The following SERPINB13 variants were observed in gnomAD, a reference collection of about 807,000 sequenced individuals.
SERPINB13 encodes the protein serpin family B member 13.
A neutral mutation model predicts 31.2 loss-of-function variants in SERPINB13; 26 were observed. The observed-to-expected ratio is 0.83, with a 90% CI of 0.61 to 1.15. The LOEUF (loss-of-function observed/expected upper bound fraction) is 1.15. Ranked by LOEUF, SERPINB13 falls within the 50% of genes most tolerant of loss-of-function variation. The pLI, the probability that SERPINB13 is intolerant of heterozygous loss-of-function variation, is 0.00. For synonymous variants in SERPINB13, 191 were observed against 172.4 expected, an observed-to-expected ratio of 1.11 and a Z score of -0.85; for missense variants, 510 against 469.4, an observed-to-expected ratio of 1.09 and a Z score of -0.80.
intron 1 of SERPINB13, 57 bp from the exon 2 acceptor site, chr18:63,588,594 C>T (rs1461741867): frequency 2.6e-6 from 4 of 1,522,724 alleles, no homozygotes; most frequent in Non-Finnish European, 3.6e-6. Context: ...AGAAAGGATT[C>T]CCCTGACACA....
At chr18:63,596,932 A>G (rs549423874) in intron 7 of SERPINB13, 27 bp from the exon 8 acceptor site, 3 of 1,555,814 alleles carry the variant, frequency 1.9e-6, no homozygotes, top group Admixed American at 3.7e-5. Flanking sequence ...TAATCATGCC[A>G]TTCTACTCTT....
chr18:63,597,048 GTTTGAGGTGGAGGACGGT>G lies in SERPINB13; in HGVS notation c.863_880del (p.Phe288_Gly293del). ...GAAAGGTGAATCTGCACTTGCCCCGGTTTGAGGTGGAGGACGGTTACGATCTAGAGGCGGTCCTGGCTG... is the reference window on the plus strand; with the variant it reads ...GAAAGGTGAATCTGCACTTGCCCCGGTACGATCTAGAGGCGGTCCTGGCTG... On this transcript the variant is annotated inframe_deletion, in exon 8 of 8. Transcript: ENST00000344731. 6.2e-7 allele frequency: 1 copy of G among 1,614,204 alleles called. No homozygotes were observed. The highest frequency in any genetic ancestry group is 8.5e-7 in the Non-Finnish European group (1 of 1,180,022).
chr18:63,597,188 C>T lies in SERPINB13; in HGVS notation c.1001C>T (p.Ser334Phe), dbSNP rs754682449. The change falls in exon 8 of 8, where the codon TCC becomes TTC. Residue 334 changes from serine (S) to phenylalanine (F), a missense_variant. Physicochemically the swap from Ser to Phe is radical, Grantham distance 155. Coordinates refer to ENST00000344731, the MANE Select transcript of SERPINB13 (RefSeq NM_012397.4). ...TACGCCCAGAAGTTCCTGCACAGTT[C>T]CTTTGTGGCAGTAACTGAGGAAGGC... ...GLYAQKFLHS[S>F]FVAVTEEGTE... 6.2e-7 allele frequency: 1 copy of T among 1,614,192 alleles called. No homozygotes were observed. Among genetic ancestry groups the T allele is most frequent in the South Asian group, 1.1e-5 (1 of 91,084 alleles).
chr18:63,599,095 GTC>G lies in SERPINB13; in HGVS notation c.*1734_*1735del, dbSNP rs1450026712. 1 of 152,004 alleles carries G rather than the reference GTC, an allele frequency of 6.6e-6. No homozygotes were observed. The highest frequency in any genetic ancestry group is 2.4e-5 in the African/African-American group (1 of 41,402). 9.4% of individuals were successfully genotyped at this position (152,004 alleles called of 1,614,324 possible). ...CATTTGCTCATTTTTAATTTGGGTT[GTC>G]TGTCTTGTCTTCTCATTTTATTGAG... On this transcript the variant is annotated 3_prime_UTR_variant, in exon 8 of 8. Coordinates refer to ENST00000344731, the MANE Select transcript of SERPINB13 (RefSeq NM_012397.4).
At chr18:63,588,505 G>T in intron 1 of SERPINB13, 146 bp from the exon 2 acceptor site, 1 of 724,620 alleles carries the variant, frequency 1.4e-6, no homozygotes. Context: ...GAGGACGTGA[G>T]AAGCAGGCAG....
intron 5 of SERPINB13, among the ~76,000 whole-genome samples, chr18:63,593,423 C>T (rs1028773284): frequency 6.6e-6 from 1 of 152,200 alleles, no homozygotes; most frequent in African/African-American, 2.4e-5. Context: ...ACACGCAGCT[C>T]TCCCATCAAG....
At position 63,597,365 on chromosome 18, in the gene SERPINB13, A is replaced by G; in HGVS notation, c.*2A>G. The G allele has an allele frequency of 6.2e-7, 1 of 1,603,684 alleles. No individual in the cohort carries two copies. The highest frequency in any genetic ancestry group is 8.5e-7 in the Non-Finnish European group (1 of 1,173,022). ...TTCGGCAGATTTTCTTCTCCTTAAG[A>G]TGATCGTTGCCATGGCATTGCTGCT... On this transcript the variant is annotated 3_prime_UTR_variant, in exon 8 of 8. Coordinates refer to ENST00000344731, the MANE Select transcript of SERPINB13 (RefSeq NM_012397.4).
rs141687844 is a variant in SERPINB13, at chr18:63,595,497, C to T, written c.771+313C>T. On this transcript the variant is annotated intron_variant, in intron 7 of 7. Coordinates refer to ENST00000344731, the MANE Select transcript of SERPINB13 (RefSeq NM_012397.4). ...TCCTGGAAAAAAGAAATCACATATGCATATATACAACCAGTTCTGCACACT... is the reference window on the plus strand; with the variant it reads ...TCCTGGAAAAAAGAAATCACATATGTATATATACAACCAGTTCTGCACACT... Among the ~76,000 whole-genome samples, 999 of 152,282 alleles carry T rather than the reference C, an allele frequency of 6.6e-3. 4 individuals are homozygous for T. The highest frequency in any genetic ancestry group is 0.011 in the Non-Finnish European group (727 of 68,016).
chr18:63,594,162 G>A (rs1349542731), intron 5 of SERPINB13, 193 bp from the exon 6 acceptor site: 2 of 1,494,906 alleles, frequency 1.3e-6, no homozygotes, highest in Non-Finnish European at 1.8e-6. Context: ...TTATCCACTG[G>A]GATAAATAGG....
chr18:63,595,868 C>T (rs895603532), intron 7 of SERPINB13, among the ~76,000 whole-genome samples: 3 of 151,400 alleles, frequency 2.0e-5, no homozygotes, highest in South Asian at 2.1e-4. Context: ...CACTGCACTC[C>T]GCCTGGGTGA....
At chr18:63,595,284 G>T in intron 7 of SERPINB13, 100 bp downstream of exon 7, 1 of 1,240,514 alleles carries the variant, frequency 8.1e-7, no homozygotes, top group East Asian at 2.3e-5. Context: ...CAAATAGAAA[G>T]TGTTTCTCAC....
At chr18:63,592,311 C>A in intron 3 of SERPINB13, 37 bp from the exon 4 acceptor site, 1 of 1,589,786 alleles carries the variant, frequency 6.3e-7, no homozygotes, top group African/African-American at 1.3e-5. Flanking sequence ...TTGCTTTTGC[C>A]AAGATAACCT....
chr18:63,592,229 G>A (rs1911894539), intron 3 of SERPINB13, 119 bp from the exon 4 acceptor site: 2 of 1,113,640 alleles, frequency 1.8e-6, no homozygotes, highest in African/African-American at 1.6e-5. Flanking sequence ...ATCAAACACA[G>A]GGATCACCCT....
intron 7 of SERPINB13, 131 bp downstream of exon 7, chr18:63,595,315 A>G: frequency 1.5e-5 from 13 of 860,012 alleles, no homozygotes; most frequent in Admixed American, 2.5e-5. Flanking sequence ...CTACAGATGG[A>G]TGTCTACTGG....
intron 7 of SERPINB13, 83 bp downstream of exon 7, chr18:63,595,267 G>A: frequency 7.2e-7 from 1 of 1,396,908 alleles, no homozygotes; most frequent in Non-Finnish European, 9.8e-7. Context: ...CTGGTGGCCA[G>A]CAGTGTCAAA....
At chr18:63,594,264 G>C (rs1293357202) in intron 5 of SERPINB13, 91 bp from the exon 6 acceptor site, 6 of 1,579,190 alleles carry the variant, frequency 3.8e-6, no homozygotes, top group Non-Finnish European at 5.2e-6. Context: ...GGTTTTTAAT[G>C]ATCAGTCAAG....
Position 63,592,835 on chromosome 18 carries a change from T to C in SERPINB13, c.355-19T>C. On this transcript the variant is annotated intron_variant, in intron 4 of 7. Transcript: ENST00000344731. Reference sequence around the variant, plus strand: ...TGAGTTTTTAACCTCTTTTTATTCCTTCCTTGTTTCTCCTAAAGAAATACT... The same window carrying C: ...TGAGTTTTTAACCTCTTTTTATTCCCTCCTTGTTTCTCCTAAAGAAATACT... 1 of 1,472,582 alleles carries C rather than the reference T, an allele frequency of 6.8e-7. No individual in the cohort carries two copies. The highest frequency in any genetic ancestry group is 9.4e-7 in the Non-Finnish European group (1 of 1,068,100). The allele number at this position is 1,472,582 out of a possible 1,614,324, so 91.2% of individuals were successfully genotyped here. A position where few individuals can be genotyped will look rare whatever the true frequency, so the allele number is the denominator to read the frequency against.
chr18:63,597,388 G>A lies in SERPINB13; in HGVS notation c.*25G>A. On this transcript the variant is annotated 3_prime_UTR_variant, in exon 8 of 8. Transcript: ENST00000344731. ...AGATGATCGTTGCCATGGCATTGCTGCTTTTAGCAAAAAACAACTACCAGT... is the reference window on the plus strand; with the variant it reads ...AGATGATCGTTGCCATGGCATTGCTACTTTTAGCAAAAAACAACTACCAGT... The A allele has an allele frequency of 1.3e-6, 2 of 1,576,256 alleles. No individual in the cohort carries two copies. Among genetic ancestry groups the A allele is most frequent in the Non-Finnish European group, 1.7e-6 (2 of 1,160,008 alleles).
At chr18:63,587,778 A>T (rs1911599084) in intron 1 of SERPINB13, among the ~76,000 whole-genome samples, 1 of 152,238 alleles carries the variant, frequency 6.6e-6, no homozygotes, top group South Asian at 2.1e-4. Flanking sequence ...TTTTTCATTA[A>T]TCTTATTCTT....
Sources: allele counts gnomAD v4.1 joint callset (sites outside exome capture counted in the v4.1 genomes callset), GRCh38; gene constraint gnomAD v4.1.1; transcripts MANE v1.5; gene names NCBI Gene and HGNC (gene_info 2026-07-23, HGNC 2026-07-21).